The following PCDHA4 variants were observed in gnomAD, a reference collection of about 807,000 sequenced individuals.
PCDHA4 encodes the protein protocadherin alpha-4.
PCDHA4 carries 49 observed loss-of-function variants against 61.4 expected under a neutral mutation model. That is an observed-to-expected ratio of 0.80 (90% CI 0.63 to 1.01). The LOEUF (loss-of-function observed/expected upper bound fraction) is 1.01. PCDHA4 is among the 50% of genes least tolerant of loss of function. The probability of loss-of-function intolerance (pLI) is 0.00; values close to 1 mark genes in which losing one functional copy is unlikely to be tolerated. For synonymous variants in PCDHA4, 590 were observed against 550.3 expected (o/e 1.07, Z -1.01); for missense variants, 1,254 against 1,235.8 (o/e 1.01, Z -0.22).
rs941007574 is a variant in PCDHA4, at chr5:141,010,090, C to T, written c.*153C>T. 1.9e-6 allele frequency: 3 copies of T among 1,612,518 alleles called. No individual in the cohort carries two copies. Among genetic ancestry groups the T allele is most frequent in the Non-Finnish European group, 2.5e-6 (3 of 1,179,284 alleles). ...AAGTTCCCTGTGTCTGTCTAGAACG[C>T]ATTTAACAGGTTTTGTCGTAAAAGC... is the stretch of plus-strand genomic sequence containing the variant. On this transcript the variant is annotated 3_prime_UTR_variant, in exon 4 of 4. Coordinates refer to ENST00000530339, the MANE Select transcript of PCDHA4 (RefSeq NM_018907.4).
At chr5:140,901,952 C>T (rs1427349795) in intron 1 of PCDHA4, among the ~76,000 whole-genome samples, 6 of 151,888 alleles carry the variant, frequency 4.0e-5, no homozygotes, top group Non-Finnish European at 8.8e-5. Context: ...TAGTTTTATT[C>T]GTGGCTATCG....
At chr5:140,927,040 A>G in intron 1 of PCDHA4, 1 of 1,612,350 alleles carries the variant, frequency 6.2e-7, no homozygotes, top group Non-Finnish European at 8.5e-7. Context: ...AGCGGCCGCT[A>G]TGTCCTCGCG....
chr5:140,928,939 T>C (rs367874769), intron 1 of PCDHA4: 1 of 1,614,130 alleles, frequency 6.2e-7, no homozygotes, highest in Non-Finnish European at 8.5e-7. Context: ...CCAGAACTTG[T>C]ATTTAGTAAT....
chr5:140,927,676 G>A (rs2084491623), intron 1 of PCDHA4: 1 of 1,614,192 alleles, frequency 6.2e-7, no homozygotes, highest in South Asian at 1.1e-5. Flanking sequence ...GGATCCAGAT[G>A]AAGGGTCCAA....
chr5:140,920,841 T>TAAAAAAAA (rs781921146), intron 1 of PCDHA4, among the ~76,000 whole-genome samples: 2 of 109,228 alleles, frequency 1.8e-5, no homozygotes, highest in Non-Finnish European at 1.9e-5. Context: ...AGACCAAATC[T>TAAAAAAAA]AAAAAAAAAA....
chr5:140,978,661 T>A (rs1035787381), intron 1 of PCDHA4, among the ~76,000 whole-genome samples: 15 of 152,246 alleles, frequency 9.9e-5, no homozygotes, highest in Admixed American at 9.8e-4. Context: ...CCGTAGTGTT[T>A]TAAGAACACA....
intron 1 of PCDHA4, among the ~76,000 whole-genome samples, chr5:140,879,613 T>C (rs2058057940): frequency 6.6e-6 from 1 of 152,200 alleles, no homozygotes; most frequent in Non-Finnish European, 1.5e-5. Context: ...TGTGTCCAGG[T>C]ACTTAGGTGG....
chr5:140,858,296 C>T, intron 1 of PCDHA4: 1 of 1,597,390 alleles, frequency 6.3e-7, no homozygotes, highest in East Asian at 2.2e-5. Flanking sequence ...GTCTTACTCG[C>T]AGCAGAGGCG....
At chr5:140,921,414 T>G (rs2080207969) in intron 1 of PCDHA4, among the ~76,000 whole-genome samples, 1 of 152,206 alleles carries the variant, frequency 6.6e-6, no homozygotes, top group Admixed American at 6.5e-5. Flanking sequence ...TCCTCTGTGC[T>G]GCAGACAAAA....
At chr5:140,924,464 G>A (rs1358240470) in intron 1 of PCDHA4, among the ~76,000 whole-genome samples, 1 of 152,196 alleles carries the variant, frequency 6.6e-6, no homozygotes, top group Non-Finnish European at 1.5e-5. Flanking sequence ...TGTTTAGGGA[G>A]GTAACTGGTT....
chr5:140,889,868 G>A (rs905154258), intron 1 of PCDHA4, among the ~76,000 whole-genome samples: 2 of 152,136 alleles, frequency 1.3e-5, no homozygotes, highest in African/African-American at 4.8e-5. Context: ...TTTGGGGGAA[G>A]CCTGCCACCA....
intron 1 of PCDHA4, among the ~76,000 whole-genome samples, chr5:140,961,059 G>A (rs2095587077): frequency 6.6e-6 from 1 of 152,076 alleles, no homozygotes; most frequent in African/African-American, 2.4e-5. Flanking sequence ...AATGTTGAAT[G>A]GGATATCTGG....
intron 1 of PCDHA4, chr5:140,871,391 C>T: frequency 6.2e-7 from 1 of 1,614,170 alleles, no homozygotes; most frequent in Non-Finnish European, 8.5e-7. Flanking sequence ...GAGGAGGGCC[C>T]ACCTAAGACG....
chr5:140,939,894 T>G (rs1554213013), intron 1 of PCDHA4, among the ~76,000 whole-genome samples: 2 of 152,220 alleles, frequency 1.3e-5, no homozygotes, highest in Non-Finnish European at 2.9e-5. Context: ...TGTTCAAATA[T>G]TCTGCATTCT....
chr5:140,858,273 C>G, intron 1 of PCDHA4: 1 of 1,596,972 alleles, frequency 6.3e-7, no homozygotes, highest in Non-Finnish European at 8.6e-7. Context: ...TGCTCTAGCG[C>G]GGTGGGGAGC....
chr5:140,940,666 A>G (rs1398290925), intron 1 of PCDHA4, among the ~76,000 whole-genome samples: 1 of 152,176 alleles, frequency 6.6e-6, no homozygotes, highest in Non-Finnish European at 1.5e-5. Flanking sequence ...TTAAATCTTC[A>G]TCTGATAATT....
Position 141,009,908 on chromosome 5 carries a change from A to G in PCDHA4, c.2815A>G (p.Asn939Asp), listed in dbSNP as rs1295693430. The G allele has an allele frequency of 6.2e-7, 1 of 1,612,848 alleles. No individual in the cohort carries two copies. Among genetic ancestry groups the G allele is most frequent in the Non-Finnish European group, 8.5e-7 (1 of 1,179,798 alleles). Residue 939 changes from asparagine to aspartate, a missense_variant, in exon 4 of 4, where the codon AAC (asparagine) becomes GAC (aspartate). By Grantham distance (23) the Asn-to-Asp change is conservative (BLOSUM62 1). Transcript: ENST00000530339. Reference sequence around the variant, plus strand: ...GACCCAGGAGAAAAAAGAGAAAGGGAACAGCACGACTGACAACAGTGACCA... The same window carrying G: ...GACCCAGGAGAAAAAAGAGAAAGGGGACAGCACGACTGACAACAGTGACCA... ...NKTQEKKEKG[N>D]STTDNSDQ
At chr5:140,829,555 G>A in intron 1 of PCDHA4, 1 of 1,612,836 alleles carries the variant, frequency 6.2e-7, no homozygotes, top group Non-Finnish European at 8.5e-7. Context: ...AGGAGAACGC[G>A]CTGGTGTCCT....
intron 1 of PCDHA4, among the ~76,000 whole-genome samples, chr5:140,918,702 G>A (rs2078814490): frequency 6.6e-6 from 1 of 152,150 alleles, no homozygotes; most frequent in Non-Finnish European, 1.5e-5. Flanking sequence ...ATTAAGTCAT[G>A]AGGGCAGAGC....
Sources: gnomAD v4.1 joint callset for allele counts (sites outside exome capture counted in the v4.1 genomes callset) on GRCh38, gnomAD v4.1.1 for gene constraint, MANE v1.5 for transcripts, NCBI Gene and HGNC (gene_info 2026-07-23, HGNC 2026-07-21) for gene names.